Variants in CCDC171 observed in about 807,000 individuals in gnomAD.
The protein encoded by CCDC171 is coiled-coil domain-containing protein 171.
Under a neutral mutation model 168.2 loss-of-function variants are expected in CCDC171, and 177 were observed. The ratio of observed to expected loss-of-function variants is 1.05; its 90% CI spans 0.93 to 1.19. The LOEUF (loss-of-function observed/expected upper bound fraction) is 1.19. Among genes scored for constraint, CCDC171 ranks in the 50% most tolerant of loss-of-function variants. CCDC171 has a pLI of 0.00. For missense variants in CCDC171, 1,991 were observed against 1,539.0 expected, an observed-to-expected ratio of 1.29 and a Z score of -4.91; for synonymous variants, 687 against 540.8, an observed-to-expected ratio of 1.27 and a Z score of -3.75.
chr9:16,078,473 G>C, the CCDC171 span, among the ~76,000 whole-genome samples: 4 of 152,194 alleles, frequency 2.6e-5, no homozygotes, highest in African/African-American at 9.6e-5. Context: ...CACTTTTATG[G>C]ACATGGCTTG....
intron 18 of CCDC171, among the ~76,000 whole-genome samples, chr9:15,746,057 A>G (rs1456028383): frequency 6.6e-6 from 1 of 152,010 alleles, no homozygotes; most frequent in Non-Finnish European, 1.5e-5. Context: ...TACTTTTTCT[A>G]GTTTATTTTA....
chr9:15,790,140 A>T lies in CCDC171; in HGVS notation c.3267+5446A>T, dbSNP rs550822080. 2.0e-5 allele frequency among the ~76,000 whole-genome samples: 3 copies of T among 152,186 alleles called. No homozygotes were observed. The East Asian group carries it at 5.8e-4, about 29-fold the overall frequency. On this transcript the variant is annotated intron_variant, in intron 21 of 25. Coordinates refer to ENST00000380701, the MANE Select transcript of CCDC171 (RefSeq NM_173550.4). Reference sequence around the variant, plus strand: ...AGTAATGGGACGGCTGGGTCAAATGATATTTCTTGTTCTAGATACTTGAGG... The same window carrying T: ...AGTAATGGGACGGCTGGGTCAAATGTTATTTCTTGTTCTAGATACTTGAGG...
At chr9:15,954,352 T>G (rs547446937) in intron 25 of CCDC171, among the ~76,000 whole-genome samples, 45 of 152,234 alleles carry the variant, frequency 3.0e-4, no homozygotes, top group African/African-American at 1.1e-3. Flanking sequence ...CCACTGCATC[T>G]CATAAGTTTT....
chr9:15,597,604 C>T (rs973040138), intron 6 of CCDC171, among the ~76,000 whole-genome samples: 2 of 152,048 alleles, frequency 1.3e-5, no homozygotes. Context: ...GTCTAAAATT[C>T]TCTTTTTTTG....
At chr9:15,954,950 T>A (rs914060805) in intron 25 of CCDC171, among the ~76,000 whole-genome samples, 1 of 152,136 alleles carries the variant, frequency 6.6e-6, no homozygotes, top group African/African-American at 2.4e-5. Context: ...TTCTATTGAT[T>A]TATTATTTTC....
chr9:15,672,879 C>T (rs1249617992), intron 9 of CCDC171, among the ~76,000 whole-genome samples: 1 of 152,068 alleles, frequency 6.6e-6, no homozygotes, highest in African/African-American at 2.4e-5. Flanking sequence ...TAGTTTTTTC[C>T]AGTTCTGTGA....
chr9:15,837,818 C>T (rs922762664), intron 21 of CCDC171, among the ~76,000 whole-genome samples: 3 of 152,162 alleles, frequency 2.0e-5, no homozygotes, highest in African/African-American at 7.2e-5. Context: ...GTTTATTGCA[C>T]GATGGGAAAG....
At chr9:15,632,479 T>A (rs992800921) in intron 7 of CCDC171, among the ~76,000 whole-genome samples, 2 of 152,030 alleles carry the variant, frequency 1.3e-5, no homozygotes, top group Non-Finnish European at 2.9e-5. Flanking sequence ...GTGAAGGACC[T>A]CTTCAAGGAG....
chr9:15,880,060 A>C (rs1465013707), intron 24 of CCDC171, among the ~76,000 whole-genome samples: 1 of 152,142 alleles, frequency 6.6e-6, no homozygotes, highest in Non-Finnish European at 1.5e-5. Context: ...ATCCATTCTT[A>C]CTAGGTCCTT....
At chr9:16,081,155 G>A in the CCDC171 span, among the ~76,000 whole-genome samples, 5 of 152,212 alleles carry the variant, frequency 3.3e-5, no homozygotes, top group Non-Finnish European at 4.4e-5. Flanking sequence ...GGGAAGCCCA[G>A]TGGGTTCTAA....
chr9:15,877,772 C>T (rs1001480466), intron 24 of CCDC171, among the ~76,000 whole-genome samples: 1 of 152,018 alleles, frequency 6.6e-6, no homozygotes, highest in Non-Finnish European at 1.5e-5. Flanking sequence ...TCTACTTATA[C>T]TTTATAAAGA....
intron 3 of CCDC171, among the ~76,000 whole-genome samples, chr9:16,016,098 C>T (rs1374890313): frequency 1.3e-5 from 2 of 152,116 alleles, no homozygotes; most frequent in Non-Finnish European, 2.9e-5. Context: ...ATCTGTGTCC[C>T]TGCTTTCATT....
chr9:15,598,259 C>A (rs2042540500), intron 6 of CCDC171, among the ~76,000 whole-genome samples: 1 of 152,026 alleles, frequency 6.6e-6, no homozygotes. Context: ...AATTTTAGAT[C>A]TTTCCTGCTT....
At chr9:15,831,510 C>T (rs1253378248) in intron 21 of CCDC171, among the ~76,000 whole-genome samples, 1 of 152,100 alleles carries the variant, frequency 6.6e-6, no homozygotes, top group Non-Finnish European at 1.5e-5. Flanking sequence ...TGTAATTATA[C>T]TAATAAACAT....
chr9:16,079,461 C>T, the CCDC171 span, among the ~76,000 whole-genome samples: 9 of 152,186 alleles, frequency 5.9e-5, no homozygotes, highest in East Asian at 1.5e-3. Context: ...GAGAGAACAC[C>T]GTGTGAGGAT....
At chr9:15,862,611 G>T (rs904342830) in intron 23 of CCDC171, among the ~76,000 whole-genome samples, 5 of 150,186 alleles carry the variant, frequency 3.3e-5, no homozygotes, top group African/African-American at 7.3e-5. Flanking sequence ...TCTTTGTGTT[G>T]GTATCTGTGC....
chr9:15,961,885 A>C (rs1403709545), intron 25 of CCDC171, among the ~76,000 whole-genome samples: 1 of 152,156 alleles, frequency 6.6e-6, no homozygotes, highest in Non-Finnish European at 1.5e-5. Flanking sequence ...CAAAACAAGC[A>C]CCATATGTAA....
chr9:15,625,808 T>C (rs1290025526), intron 7 of CCDC171, among the ~76,000 whole-genome samples: 2 of 152,218 alleles, frequency 1.3e-5, no homozygotes, highest in Admixed American at 1.3e-4. Context: ...GGGCTCTTTT[T>C]TGGTTTCATA....
chr9:15,591,532 AAGC>A lies in CCDC171; in HGVS notation c.522_524del (p.Ser174del), dbSNP rs772846513. 1 of 1,580,750 alleles carries A rather than the reference AAGC, an allele frequency of 6.3e-7. No individual in the cohort carries two copies. ...AATATGATTTACTTATGAAAGAAAA[AAGC>A]AGACTAGAGAAAACTCTACAGGTAA... is the stretch of plus-strand genomic sequence containing the variant. On this transcript the variant is annotated inframe_deletion, in exon 5 of 26. Coordinates refer to ENST00000380701, the MANE Select transcript of CCDC171 (RefSeq NM_173550.4).
Sources: allele counts gnomAD v4.1 joint callset (sites outside exome capture counted in the v4.1 genomes callset), GRCh38; gene constraint gnomAD v4.1.1; transcripts MANE v1.5; gene names NCBI Gene and HGNC (gene_info 2026-07-23, HGNC 2026-07-21).